The following TBC1D32 variants were observed in gnomAD, a reference collection of about 807,000 sequenced individuals.
TBC1D32 encodes protein broad-minded.
In TBC1D32, 151 loss-of-function variants were observed where a neutral mutation model predicts 170.3. That is an observed-to-expected ratio of 0.89 (90% CI 0.78 to 1.01). The LOEUF (loss-of-function observed/expected upper bound fraction) is 1.01. Ranked by LOEUF, TBC1D32 falls within the 50% of genes least tolerant of loss-of-function variation. The probability of loss-of-function intolerance (pLI) is 0.00; values close to 1 mark genes in which losing one functional copy is unlikely to be tolerated. For synonymous variants in TBC1D32, 498 were observed against 488.0 expected (o/e 1.02, Z -0.27); for missense variants, 1,464 against 1,457.1 (o/e 1.00, Z -0.08).
chr6:121,310,014 G>A (rs183050208), intron 4 of TBC1D32, among the ~76,000 whole-genome samples: 54 of 152,038 alleles, frequency 3.6e-4, no homozygotes, highest in African/African-American at 1.2e-3. Context: ...CAGCCTGGGT[G>A]ACAGAGTAAG....
Position 121,115,209 on chromosome 6 carries a change from A to G in TBC1D32, c.3016T>C (p.Ser1006Pro). The change falls in exon 27 of 32, where the codon TCA (serine) becomes CCA (proline). Residue 1006 changes from serine to proline, a missense_variant. This residue lies in a region of TBC1D32 where 1,363 missense variants were observed against 1,338.1 expected (regional missense o/e 1.02). Transcript: ENST00000398212. ...TDANVKNESLSSVQQLGIKMT... is the reference protein window; with the variant it reads ...TDANVKNESLPSVQQLGIKMT... ...TTAATGCCAAGCTGCTGCACAGATG[A>G]AAGACTTTCATTCTTCACATTTGCA... 6.2e-7 allele frequency: 1 copy of G among 1,602,314 alleles called. No homozygotes were observed. Among genetic ancestry groups the G allele is most frequent in the Non-Finnish European group, 8.5e-7 (1 of 1,172,950 alleles).
chr6:121,100,904 T>G (rs1777973710), intron 30 of TBC1D32, among the ~76,000 whole-genome samples: 1 of 152,116 alleles, frequency 6.6e-6, no homozygotes, highest in South Asian at 2.1e-4. Flanking sequence ...ATAAAGGGGA[T>G]ATCAACACCG....
intron 26 of TBC1D32, among the ~76,000 whole-genome samples, chr6:121,125,020 T>C (rs909992274): frequency 1.3e-5 from 2 of 152,230 alleles, no homozygotes; most frequent in Non-Finnish European, 2.9e-5. Context: ...ATTTTATGAT[T>C]GGTCTTCGGC....
chr6:121,092,272 T>C (rs779897584), intron 30 of TBC1D32, among the ~76,000 whole-genome samples: 23 of 148,500 alleles, frequency 1.5e-4, no homozygotes, highest in Non-Finnish European at 3.3e-4. Flanking sequence ...TTATTGAATA[T>C]CTCTTCTCCT....
intron 22 of TBC1D32, among the ~76,000 whole-genome samples, chr6:121,177,660 C>T (rs893555463): frequency 6.6e-6 from 1 of 152,076 alleles, no homozygotes; most frequent in African/African-American, 2.4e-5. Context: ...GTTCAATGTA[C>T]ACAAACTTTG....
intron 24 of TBC1D32, among the ~76,000 whole-genome samples, chr6:121,149,221 G>C (rs1783884738): frequency 1.3e-5 from 2 of 152,076 alleles, no homozygotes; most frequent in African/African-American, 4.8e-5. Flanking sequence ...TGTTCACTCT[G>C]ATGATAGTTT....
chr6:121,272,872 A>T, intron 15 of TBC1D32, among the ~76,000 whole-genome samples: 2 of 152,236 alleles, frequency 1.3e-5, no homozygotes, highest in Non-Finnish European at 2.9e-5. Flanking sequence ...ATGTCCATCA[A>T]TGATAGACTG....
chr6:121,219,350 G>T (rs1372764855), intron 21 of TBC1D32, among the ~76,000 whole-genome samples: 2 of 152,072 alleles, frequency 1.3e-5, no homozygotes, highest in Admixed American at 1.3e-4. Context: ...TAATGCCTTT[G>T]GGAGAAACAG....
intron 24 of TBC1D32, among the ~76,000 whole-genome samples, chr6:121,155,620 A>G (rs1221500139): frequency 1.3e-5 from 2 of 152,020 alleles, no homozygotes; most frequent in African/African-American, 4.8e-5. Context: ...ATTCAGTATA[A>G]TGCTGTGATG....
chr6:121,131,371 C>A (rs994601608), intron 25 of TBC1D32, among the ~76,000 whole-genome samples: 1 of 150,516 alleles, frequency 6.6e-6, no homozygotes, highest in South Asian at 2.1e-4. Context: ...AAAAAAAAAC[C>A]AAGCAAATTG....
chr6:121,104,570 T>C (rs78377450), intron 30 of TBC1D32, among the ~76,000 whole-genome samples: 3,744 of 151,678 alleles, frequency 0.025, 167 homozygotes, highest in East Asian at 0.13. Flanking sequence ...ATTACAAAGA[T>C]GGAGAAGATA....
At chr6:121,185,194 A>G (rs1369971190) in intron 22 of TBC1D32, among the ~76,000 whole-genome samples, 2 of 152,032 alleles carry the variant, frequency 1.3e-5, no homozygotes, top group African/African-American at 4.8e-5. Flanking sequence ...CCCTCTTTGA[A>G]AAGTAATCCA....
rs145814233 is a variant in TBC1D32, at chr6:121,133,832, C to T, written c.2774-2080G>A. Reference sequence around the variant, plus strand: ...TTTGAATACCAAGACTACAATGATACGTTTCACAAATAGCCTCTGTCAGAA... The same window carrying T: ...TTTGAATACCAAGACTACAATGATATGTTTCACAAATAGCCTCTGTCAGAA... On this transcript the variant is annotated intron_variant, in intron 24 of 31. Coordinates refer to ENST00000398212, the MANE Select transcript of TBC1D32 (RefSeq NM_152730.6). Among the ~76,000 whole-genome samples, 372 of 152,056 alleles carry T rather than the reference C, an allele frequency of 2.4e-3. 1 individual carries two copies. The highest frequency in any genetic ancestry group is 8.3e-3 in the African/African-American group (346 of 41,534).
intron 3 of TBC1D32, among the ~76,000 whole-genome samples, chr6:121,312,769 G>C (rs1373446226): frequency 6.6e-6 from 1 of 152,160 alleles, no homozygotes; most frequent in Non-Finnish European, 1.5e-5. Flanking sequence ...TTTAAATCAA[G>C]AGAAAAATAA....
At chr6:121,156,945 A>C (rs1440890345) in intron 24 of TBC1D32, among the ~76,000 whole-genome samples, 1 of 152,116 alleles carries the variant, frequency 6.6e-6, no homozygotes, top group Non-Finnish European at 1.5e-5. Flanking sequence ...CAATCACAGA[A>C]TATGTTGCAT....
Position 121,223,280 on chromosome 6 carries a change from T to C in TBC1D32, c.2437A>G (p.Asn813Asp). ...TCACGAAGAGAATATTCTGTTTTAT[T>C]AGGAAGATCTTGATTCCTTACAAGC... ...YELVRNQDLP[N>D]KTEYSLREVP... The change falls in exon 21 of 32, where the codon AAT becomes GAT. Residue 813 changes from asparagine to aspartate, a missense_variant. Coordinates refer to ENST00000398212, the MANE Select transcript of TBC1D32 (RefSeq NM_152730.6). 4.4e-6 allele frequency: 7 copies of C among 1,592,792 alleles called. No homozygotes were observed. The highest frequency in any genetic ancestry group is 6.0e-6 in the Non-Finnish European group (7 of 1,172,964).
At chr6:121,265,283 C>T (rs1800320185) in intron 15 of TBC1D32, among the ~76,000 whole-genome samples, 1 of 151,996 alleles carries the variant, frequency 6.6e-6, no homozygotes, top group Non-Finnish European at 1.5e-5. Context: ...GACAGAGAGC[C>T]AAATCATGAA....
chr6:121,186,881 T>C lies in TBC1D32; in HGVS notation c.2570+18194A>G, dbSNP rs1489348293. 7.3e-5 allele frequency among the ~76,000 whole-genome samples: 11 copies of C among 150,566 alleles called. 1 individual carries two copies. On this transcript the variant is annotated intron_variant, in intron 22 of 31. Transcript: ENST00000398212. ...GAAAGAATGTTACTGCTATTGCTGT[T>C]GACTAAAACTTTAATGCTCTGAGGT...
At chr6:121,308,301 T>C (rs1211387991) in intron 4 of TBC1D32, among the ~76,000 whole-genome samples, 200 bp from the exon 5 acceptor site, 1 of 151,716 alleles carries the variant, frequency 6.6e-6, no homozygotes, top group Non-Finnish European at 1.5e-5. Context: ...AAACAGTTGC[T>C]GTTTGTGTAA....
Sources: allele counts gnomAD v4.1 joint callset (sites outside exome capture counted in the v4.1 genomes callset), GRCh38; gene constraint gnomAD v4.1.1; regional missense constraint gnomAD v4.1.1; transcripts MANE v1.5; gene names NCBI Gene and HGNC (gene_info 2026-07-23, HGNC 2026-07-21).